Variants in DYSF observed in about 807,000 individuals in gnomAD.
The protein encoded by DYSF is dysferlin.
A neutral mutation model predicts 274.9 loss-of-function variants in DYSF; 212 were observed. The ratio of observed to expected loss-of-function variants is 0.77; its 90% CI spans 0.69 to 0.86. The LOEUF is 0.86. DYSF is among the 40% of genes least tolerant of loss of function. The pLI, the probability that DYSF is intolerant of heterozygous loss-of-function variation, is 0.00. For synonymous variants in DYSF, 1,091 were observed against 1,078.7 expected, an observed-to-expected ratio of 1.01 and a Z score of -0.22; for missense variants, 2,666 against 2,783.2, an observed-to-expected ratio of 0.96 and a Z score of 0.95.
chr2:71,551,239 C>T, intron 18 of DYSF, 83 bp downstream of exon 18: 1 of 1,439,196 alleles, frequency 6.9e-7, no homozygotes, highest in South Asian at 1.1e-5. Context: ...CAGGGTCTTC[C>T]AGCCCCTCCT....
In DYSF at chr2:71,574,366, G is replaced by T. The variant is rs200334333; in HGVS notation, c.3397G>T (p.Ala1133Ser). The change falls in exon 30 of 56, where the codon GCC becomes TCC. Residue 1133 changes from alanine (A) to serine (S), a missense_variant. This residue lies in a region of DYSF where 1,460 missense variants were observed against 1,502.1 expected (regional missense o/e 0.97). Transcript: ENST00000410020. ...TGCAGCTGTGTTTGCCCTTGAGGGG[G>T]CCCTGGTATGTGGGGCTGCACTTGT... ...GPAAVFALEG[A>S]LGGVMDDKSE... is the part of the protein sequence containing the mutation. 1 of 1,613,470 alleles carries T rather than the reference G, an allele frequency of 6.2e-7. No homozygotes were observed. The highest frequency in any genetic ancestry group is 1.3e-5 in the African/African-American group (1 of 74,920).
intron 31 of DYSF, 32 bp from the exon 32 acceptor site, chr2:71,590,179 C>G: frequency 1.2e-6 from 2 of 1,612,670 alleles, no homozygotes; most frequent in Non-Finnish European, 1.7e-6. Context: ...CAGCCACTCA[C>G]TCTGGCACCT....
chr2:71,570,927 CAGATCACACCCAGCATACCCAA>C lies in DYSF; in HGVS notation c.3228+205_3228+226del, dbSNP rs1483899538. 13,321 of 798,966 alleles carry C rather than the reference CAGATCACACCCAGCATACCCAA, an allele frequency of 0.017. 634 individuals carry two copies. The highest frequency in any genetic ancestry group is 0.12 in the African/African-American group (6,836 of 55,280). 49.5% of individuals were successfully genotyped at this position (798,966 alleles called of 1,614,324 possible). A position where few individuals can be genotyped will look rare whatever the true frequency, so the allele number is the denominator to read the frequency against. On this transcript the variant is annotated intron_variant, in intron 29 of 55. Coordinates refer to ENST00000410020, the MANE Select transcript of DYSF (RefSeq NM_001130987.2). The stretch of plus-strand genomic sequence containing the variant: ...CCAAAGATCACACCCAGCATACACA[CAGATCACACCCAGCATACCCAA>C]AGATCACACCCAGCATACACACAGA...
intron 1 of DYSF, among the ~76,000 whole-genome samples, chr2:71,473,012 A>G (rs959940937): frequency 2.0e-5 from 3 of 152,228 alleles, no homozygotes; most frequent in African/African-American, 2.4e-5. Context: ...CTCTTCTTGA[A>G]GTGCATTTCA....
At position 71,561,932 on chromosome 2, in the gene DYSF, C is replaced by A. The variant is rs751946333; in HGVS notation, c.2397C>A (p.Ala799=). ...AGGACTGGCTCCTGCGTCTGCGTGCCCTGGCAGAGGAGGTAATTAAGCCTG... is the reference window on the plus strand; with the variant it reads ...AGGACTGGCTCCTGCGTCTGCGTGCACTGGCAGAGGAGGTAATTAAGCCTG... The part of the protein sequence containing the change: ...QAEDWLLRLR[A]LAEEPQNSLP... Residue 799 remains alanine (A), a synonymous_variant, in exon 23 of 56, where the codon GCC becomes GCA. Transcript: ENST00000410020. The A allele has an allele frequency of 3.1e-6, 5 of 1,613,886 alleles. No homozygotes were observed. Among genetic ancestry groups the A allele is most frequent in the Admixed American group, 3.3e-5 (2 of 59,996 alleles).
At chr2:71,572,604 T>G (rs2092557348) in intron 29 of DYSF, among the ~76,000 whole-genome samples, 1 of 152,244 alleles carries the variant, frequency 6.6e-6, no homozygotes, top group Admixed American at 6.5e-5. Flanking sequence ...TGGCCTGAGC[T>G]GTGGCCTGGG....
intron 29 of DYSF, chr2:71,570,968 A>C (rs545295642): frequency 2.9e-4 from 173 of 595,320 alleles, no homozygotes; most frequent in East Asian, 9.2e-4. Flanking sequence ...CCCAGCATAC[A>C]CACAGATCAC....
chr2:71,528,141 C>A (rs1223068666), intron 13 of DYSF, among the ~76,000 whole-genome samples, 157 bp from the exon 14 acceptor site: 2 of 152,190 alleles, frequency 1.3e-5, no homozygotes, highest in Non-Finnish European at 2.9e-5. Flanking sequence ...CTGAGACAGT[C>A]CTCCTTCTGG....
rs752418484 is a variant in DYSF, at chr2:71,600,683, C to G, written c.3757-19C>G. On this transcript the variant is annotated intron_variant, in intron 33 of 55. Transcript: ENST00000410020. ...CTGGGTAAGGGATGCTGATTCTTGT[C>G]TCTCTACGCTTGGTCTAGGGTGCAG... 5 of 1,614,056 alleles carry G rather than the reference C, an allele frequency of 3.1e-6. No homozygotes were observed. The highest frequency in any genetic ancestry group is 4.2e-6 in the Non-Finnish European group (5 of 1,180,050).
chr2:71,562,915 G>A (rs1484570822), intron 23 of DYSF, among the ~76,000 whole-genome samples: 1 of 152,162 alleles, frequency 6.6e-6, no homozygotes. Context: ...ACTGACCCGT[G>A]AACTGTAAGC....
rs2091067447 is a variant in DYSF at position 71,553,052 on chromosome 2, C to A, written c.1848C>A (p.Phe616Leu). ...RRRKYSLFAAFYSATMLQDVD... is the reference protein window; with the variant it reads ...RRRKYSLFAALYSATMLQDVD... The stretch of plus-strand genomic sequence containing the variant: ...GCAAGTACTCCCTGTTTGCGGCCTT[C>A]TACTCAGCCACCATGCTGCAGGATG... The change falls in exon 20 of 56, where the codon TTC becomes TTA. Residue 616 changes from phenylalanine to leucine, a missense_variant. By Grantham distance (22) the Phe-to-Leu change is conservative (BLOSUM62 0). Around this residue, in one of 3 missense-constraint regions of DYSF, gnomAD observed 412 missense variants for 504.0 expected, o/e 0.82. Coordinates refer to ENST00000410020, the MANE Select transcript of DYSF (RefSeq NM_001130987.2). 2 of 1,614,192 alleles carry A rather than the reference C, an allele frequency of 1.2e-6. No homozygotes were observed. Among genetic ancestry groups the A allele is most frequent in the Non-Finnish European group, 8.5e-7 (1 of 1,180,028 alleles).
intron 42 of DYSF, among the ~76,000 whole-genome samples, chr2:71,654,010 A>G (rs1346858873): frequency 1.3e-5 from 2 of 152,198 alleles, no homozygotes; most frequent in African/African-American, 4.8e-5. Context: ...AACATTTGAT[A>G]GACCAAAGTT....
At chr2:71,667,649 C>T (rs2095040481) in intron 48 of DYSF, 134 bp downstream of exon 48, 5 of 1,383,150 alleles carry the variant, frequency 3.6e-6, no homozygotes, top group South Asian at 2.6e-5. Context: ...CATTTCTTCA[C>T]AGTCTGAGTG....
intron 29 of DYSF, among the ~76,000 whole-genome samples, chr2:71,572,317 A>C (rs1057226949): frequency 2.3e-5 from 3 of 131,632 alleles, no homozygotes; most frequent in African/African-American, 8.6e-5. Context: ...CAGCACACAG[A>C]AATCACACCC....
intron 3 of DYSF, among the ~76,000 whole-genome samples, chr2:71,492,760 C>T (rs763958740): frequency 2.2e-3 from 303 of 139,942 alleles, no homozygotes; most frequent in Middle Eastern, 7.4e-3. Flanking sequence ...TCTCTTACTC[C>T]TATTTGAAGG....
Position 71,612,819 on chromosome 2 carries a change from G to A in DYSF, c.4387+13G>A, listed in dbSNP as rs1225050684. 6.2e-7 allele frequency: 1 copy of A among 1,605,882 alleles called. No homozygotes were observed. The highest frequency in any genetic ancestry group is 1.7e-5 in the Admixed American group (1 of 59,834). The stretch of plus-strand genomic sequence containing the variant: ...CAGGGTGGCCCAGGTAGGGGAAGGG[G>A]AGATGATGGGCAGGTCAGGGAAGGG... On this transcript the variant is annotated intron_variant, in intron 39 of 55. Transcript: ENST00000410020.
chr2:71,479,047 G>A (rs1020506795), intron 1 of DYSF, among the ~76,000 whole-genome samples: 2 of 151,292 alleles, frequency 1.3e-5, no homozygotes, highest in African/African-American at 4.9e-5. Flanking sequence ...CCAGAGGCTC[G>A]AGGGACTTTC....
chr2:71,465,914 T>A (rs1158344959), upstream of DYSF, among the ~76,000 whole-genome samples: 3 of 151,088 alleles, frequency 2.0e-5, no homozygotes, highest in Non-Finnish European at 4.4e-5. Context: ...GACTAGGGAG[T>A]GTAGAGATTG....
At chr2:71,680,935 TG>T in intron 53 of DYSF, 65 bp from the exon 54 acceptor site, 1 of 1,406,834 alleles carries the variant, frequency 7.1e-7, no homozygotes, top group Non-Finnish European at 1.0e-6. Flanking sequence ...TTTTCTGGCC[TG>T]GTTACTCTCC....
Sources: allele counts gnomAD v4.1 joint callset (sites outside exome capture counted in the v4.1 genomes callset), GRCh38; gene constraint gnomAD v4.1.1; regional missense constraint gnomAD v4.1.1; transcripts MANE v1.5; gene names NCBI Gene and HGNC (gene_info 2026-07-23, HGNC 2026-07-21).